C11orf91: variants seen among roughly 807,000 people sequenced by gnomAD.
The protein encoded by C11orf91 is uncharacterized protein C11orf91.
In C11orf91, 10 loss-of-function variants were observed where a neutral mutation model predicts 14.3. The ratio of observed to expected loss-of-function variants is 0.70; its 90% CI spans 0.43 to 1.18. The LOEUF is 1.18. C11orf91 is among the 50% of genes most tolerant of loss of function. The pLI is 0.00. For synonymous variants in C11orf91, 141 were observed against 130.6 expected (o/e 1.08, Z -0.54); for missense variants, 236 against 269.0 (o/e 0.88, Z 0.86).
At chr11:33,702,177 C>T (rs765590444), upstream of C11orf91, among the ~76,000 whole-genome samples, 6 of 152,184 alleles carry the variant, frequency 3.9e-5, no homozygotes, top group Non-Finnish European at 7.3e-5. Context: ...AGGCCATGTG[C>T]GATAGCTCAG....
upstream of C11orf91, chr11:33,703,467 A>C (rs953460698): frequency 8.5e-5 from 13 of 152,118 alleles, no homozygotes; most frequent in Non-Finnish European, 1.8e-4. Context: ...TCTCCACTCA[A>C]ATGCCCCATT....
rs141410856 is a variant in C11orf91 at position 33,700,060 on chromosome 11, G to A, written c.496+185C>T. Among the ~76,000 whole-genome samples, 1,271 of 152,308 alleles carry A rather than the reference G, an allele frequency of 8.3e-3. 5 individuals carry two copies. The highest frequency in any genetic ancestry group is 0.015 in the Non-Finnish European group (999 of 68,020). Reference sequence around the variant, plus strand: ...TAAGAGGCTCATGAAGTTCAGATCTGTGGTGGGGGGAGGAGTCGGTTAAGT... The same window carrying A: ...TAAGAGGCTCATGAAGTTCAGATCTATGGTGGGGGGAGGAGTCGGTTAAGT... On this transcript the variant is annotated intron_variant, in intron 1 of 1. Transcript: ENST00000379011.
upstream of C11orf91, chr11:33,702,663 T>C (rs963057727): frequency 1.6e-5 from 5 of 305,674 alleles, no homozygotes; most frequent in Non-Finnish European, 2.7e-5. Flanking sequence ...AAGAACCCCA[T>C]GTACCTGCGT....
chr11:33,703,032 G>A (rs538098805), upstream of C11orf91: 6 of 152,166 alleles, frequency 3.9e-5, no homozygotes, highest in South Asian at 2.1e-4. Context: ...GAGATTTTGC[G>A]TTATATTTTT....
upstream of C11orf91, among the ~76,000 whole-genome samples, chr11:33,701,712 G>C (rs1853129948): frequency 1.3e-5 from 2 of 150,636 alleles, no homozygotes; most frequent in African/African-American, 4.9e-5. Context: ...AGCTTCACAA[G>C]TTAAATATAT....
rs1422309495 is a variant in C11orf91 at position 33,700,454 on chromosome 11, G to C, written c.287C>G (p.Ser96Cys). The C allele has an allele frequency of 3.4e-6, 5 of 1,476,884 alleles. No homozygotes were observed. The highest frequency in any genetic ancestry group is 4.5e-6 in the Non-Finnish European group (5 of 1,118,632). 91.5% of individuals were successfully genotyped at this position (1,476,884 alleles called of 1,614,324 possible). A position where few individuals can be genotyped will look rare whatever the true frequency, so the allele number is the denominator to read the frequency against. The change falls in exon 1 of 2, where the codon TCC (serine) becomes TGC (cysteine). Residue 96 changes from serine to cysteine, a missense_variant. Coordinates refer to ENST00000379011, the MANE Select transcript of C11orf91 (RefSeq NM_001166692.2). ...CTCGTAGGGGATGGAGGCCAGGCCGGAGGGCCAGGGCGAGGGCCAGGGGCG... is the reference window on the plus strand; with the variant it reads ...CTCGTAGGGGATGGAGGCCAGGCCGCAGGGCCAGGGCGAGGGCCAGGGGCG... Reference protein sequence around the residue: ...SERPWPSPWPSGLASIPYEPL... With the variant: ...SERPWPSPWPCGLASIPYEPL...
rs1853098053 is a variant in C11orf91 at position 33,700,252 on chromosome 11, G to A, written c.489C>T (p.Ser163=). The A allele has an allele frequency of 1.3e-6, 2 of 1,534,012 alleles. No individual in the cohort carries two copies. Among genetic ancestry groups the A allele is most frequent in the Non-Finnish European group, 1.7e-6 (2 of 1,145,932 alleles). ...CCTGGCGAGGTCACGCACAGCTCTG[G>A]GAGTCGAAGCCGTCCCCAGTGATGG... is the stretch of plus-strand genomic sequence containing the variant. ...LLTITGDGFD[S]QSYTFLKALK... is the part of the protein sequence containing the mutation. The change falls in exon 1 of 2, where the codon TCC becomes TCT. Residue 163 remains serine (S), a synonymous_variant. Coordinates refer to ENST00000379011, the MANE Select transcript of C11orf91 (RefSeq NM_001166692.2).
upstream of C11orf91, chr11:33,703,539 G>A (rs1853181450): frequency 6.6e-6 from 1 of 151,866 alleles, no homozygotes; most frequent in African/African-American, 2.4e-5. Context: ...GGAACCAACT[G>A]AGAGACACAA....
At chr11:33,703,538 T>C (rs1422536955), upstream of C11orf91, 1 of 151,912 alleles carries the variant, frequency 6.6e-6, no homozygotes, top group South Asian at 2.1e-4. Context: ...TGGAACCAAC[T>C]GAGAGACACA....
upstream of C11orf91, chr11:33,702,652 TA>T: frequency 3.9e-6 from 1 of 255,020 alleles, no homozygotes; most frequent in Non-Finnish European, 8.2e-6. Context: ...TTTGTTTCTG[TA>T]AGAACCCCAT....
chr11:33,698,587 T>C (rs1421051650), intron 1 of C11orf91, 73 bp from the exon 2 acceptor site: 3 of 1,101,626 alleles, frequency 2.7e-6, no homozygotes, highest in African/African-American at 1.6e-5. Flanking sequence ...AGCAAACTCT[T>C]GGGAAGCAAC....
chr11:33,706,333 T>G, the C11orf91 span: 8 of 152,066 alleles, frequency 5.3e-5, no homozygotes, highest in Admixed American at 5.2e-4. Flanking sequence ...TGTAAGTAAT[T>G]TGAAAAAGAG....
At chr11:33,706,419 T>C in the C11orf91 span, 1 of 152,174 alleles carries the variant, frequency 6.6e-6, no homozygotes, top group Non-Finnish European at 1.5e-5. Flanking sequence ...TTTTAGACTC[T>C]TACAGCCTTA....
At chr11:33,700,215 G>C (rs1272163874) in intron 1 of C11orf91, 30 bp downstream of exon 1, 13 of 1,521,496 alleles carry the variant, frequency 8.5e-6, no homozygotes, top group Non-Finnish European at 1.1e-5. Flanking sequence ...GGCTAAGGCT[G>C]GGCTCGGTGG....
chr11:33,698,281 C>T lies in C11orf91; in HGVS notation c.*148G>A, dbSNP rs1474387211. ...TGAGATTTACCACACAAAGTGGGCACTGTATGTGAAGTACATGCTGGTAGC... is the reference window on the plus strand; with the variant it reads ...TGAGATTTACCACACAAAGTGGGCATTGTATGTGAAGTACATGCTGGTAGC... On this transcript the variant is annotated 3_prime_UTR_variant, in exon 2 of 2. Coordinates refer to ENST00000379011, the MANE Select transcript of C11orf91 (RefSeq NM_001166692.2). 4.9e-6 allele frequency: 3 copies of T among 618,112 alleles called. No homozygotes were observed. The highest frequency in any genetic ancestry group is 3.7e-5 in the African/African-American group (2 of 54,336). 38.3% of individuals were successfully genotyped at this position (618,112 alleles called of 1,614,324 possible).
chr11:33,698,704 C>G (rs573577302), intron 1 of C11orf91, among the ~76,000 whole-genome samples, 190 bp from the exon 2 acceptor site: 1 of 151,368 alleles, frequency 6.6e-6, no homozygotes, highest in South Asian at 2.1e-4. Flanking sequence ...TCTGACTGTA[C>G]ATGCAACACA....
At chr11:33,701,547 C>T (rs1164973506), upstream of C11orf91, among the ~76,000 whole-genome samples, 2 of 152,198 alleles carry the variant, frequency 1.3e-5, no homozygotes, top group African/African-American at 2.4e-5. Context: ...GCGATTTGGA[C>T]ATTTTGTCCA....
In C11orf91 at chr11:33,698,406, C is replaced by A. The variant is rs1198917914; in HGVS notation, c.*23G>T. 1.4e-6 allele frequency: 2 copies of A among 1,472,392 alleles called. No homozygotes were observed. Among genetic ancestry groups the A allele is most frequent in the African/African-American group, 2.8e-5 (2 of 71,826 alleles). 91.2% of individuals were successfully genotyped at this position (1,472,392 alleles called of 1,614,324 possible). A position where few individuals can be genotyped will look rare whatever the true frequency, so the allele number is the denominator to read the frequency against. On this transcript the variant is annotated 3_prime_UTR_variant, in exon 2 of 2. Coordinates refer to ENST00000379011, the MANE Select transcript of C11orf91 (RefSeq NM_001166692.2). ...GCACTAACACCTAAGGAGGTGGCTG[C>A]CCAAGCTCTGGTAGGCAGCTCCTCA...
chr11:33,699,872 ACTGT>A (rs1853091400), intron 1 of C11orf91, among the ~76,000 whole-genome samples: 1 of 152,090 alleles, frequency 6.6e-6, no homozygotes, highest in Non-Finnish European at 1.5e-5. Flanking sequence ...AAGCTTAGGG[ACTGT>A]CTGTGGTGGG....
Sources: allele counts gnomAD v4.1 joint callset (sites outside exome capture counted in the v4.1 genomes callset), GRCh38; gene constraint gnomAD v4.1.1; transcripts MANE v1.5; gene names NCBI Gene and HGNC (gene_info 2026-07-23, HGNC 2026-07-21).